Variants in ZNF28 observed in about 807,000 individuals in gnomAD.
ZNF28 encodes the protein zinc finger protein 28, also known as zinc finger protein KOX24.
ZNF28 carries 5 observed loss-of-function variants against 7.2 expected under a neutral mutation model. The ratio of observed to expected loss-of-function variants is 0.70; its 90% CI spans 0.36 to 1.46. ZNF28 has a LOEUF of 1.46. Among genes scored for constraint, ZNF28 ranks in the 40% most tolerant of loss-of-function variants. The pLI is 0.03. For missense variants in ZNF28, 879 were observed against 866.6 expected (o/e 1.01, Z -0.18); for synonymous variants, 288 against 292.4 (o/e 0.99, Z 0.15).
chr19:52,809,261 T>TGG (rs1202136935), intron 2 of ZNF28, among the ~76,000 whole-genome samples: 6 of 152,114 alleles, frequency 3.9e-5, no homozygotes, highest in Non-Finnish European at 8.8e-5. Context: ...AATGCGGACG[T>TGG]GCACAGAGGC....
chr19:52,810,286 A>C, intron 2 of ZNF28: 1 of 1,479,156 alleles, frequency 6.8e-7, no homozygotes, highest in Non-Finnish European at 9.4e-7. Flanking sequence ...TCCATTGAGG[A>C]GAAGATGGAG....
intron 1 of ZNF28, among the ~76,000 whole-genome samples, chr19:52,819,605 A>G (rs2063170255): frequency 9.5e-6 from 1 of 105,032 alleles, no homozygotes; most frequent in African/African-American, 4.0e-5. Context: ...TCAGAGCTGG[A>G]AACATTTTCA....
rs2062821612 is a variant in ZNF28 at position 52,798,341 on chromosome 19, A to C, written c.*1347T>G. On this transcript the variant is annotated 3_prime_UTR_variant, in exon 4 of 4. Transcript: ENST00000457749. Reference sequence around the variant, plus strand: ...AACAGTTTAATGTCAATTAATGCTTAAACTCAATGTTAAGTCAACTCAAAC... The same window carrying C: ...AACAGTTTAATGTCAATTAATGCTTCAACTCAATGTTAAGTCAACTCAAAC... 2 of 333,536 alleles carry C rather than the reference A, an allele frequency of 6.0e-6. No individual in the cohort carries two copies. The highest frequency in any genetic ancestry group is 4.3e-5 in the Admixed American group (1 of 23,340). 20.7% of individuals were successfully genotyped at this position (333,536 alleles called of 1,614,324 possible).
intron 2 of ZNF28, chr19:52,810,308 T>A (rs1200393416): frequency 2.6e-6 from 4 of 1,566,948 alleles, no homozygotes; most frequent in East Asian, 4.5e-5. Flanking sequence ...CTGATGCCCG[T>A]TCCATCAATG....
intron 3 of ZNF28, chr19:52,807,744 G>C: frequency 1.8e-6 from 1 of 557,600 alleles, no homozygotes; most frequent in Non-Finnish European, 3.0e-6. Context: ...CAAGGTGCTG[G>C]GATAACAGGC....
At chr19:52,810,344 A>C in intron 2 of ZNF28, 1 of 1,603,914 alleles carries the variant, frequency 6.2e-7, no homozygotes. Flanking sequence ...GCGGTGCAAC[A>C]GCAGAAGAGC....
chr19:52,803,090 AT>A (rs2147622967), intron 3 of ZNF28, among the ~76,000 whole-genome samples: 1 of 146,718 alleles, frequency 6.8e-6, no homozygotes, highest in South Asian at 2.2e-4. Flanking sequence ...ATGTATTTTT[AT>A]TTTTTTGAGA....
intron 2 of ZNF28, chr19:52,809,720 G>T: frequency 2.5e-6 from 1 of 399,926 alleles, no homozygotes; most frequent in Non-Finnish European, 4.4e-6. Context: ...GCAGCAAAAC[G>T]CTTTAACCCA....
rs71183842 is a variant in ZNF28 at position 52,820,108 on chromosome 19, CTT to C, written c.-74+1476_-74+1477del. ...TCCATCCTTGCAACTTATTTAACCT[CTT>C]TTTTTTTTTTTTTTTTTTGAGACGG... is the stretch of plus-strand genomic sequence containing the variant. On this transcript the variant is annotated intron_variant, in intron 1 of 3. Transcript: ENST00000457749. 1.4e-4 allele frequency among the ~76,000 whole-genome samples: 17 copies of C among 120,284 alleles called. 1 individual carries two copies. The highest frequency in any genetic ancestry group is 1.8e-4 in the Non-Finnish European group (11 of 60,140). 78.9% of individuals were successfully genotyped at this position (120,284 alleles called of 152,430 possible).
chr19:52,799,462 T>C lies in ZNF28; in HGVS notation c.*226A>G. ...TAAAGTTTCTCTGCAGTATGAATTC[T>C]ATGATGACGTGCAAGGGTTGTTTTT... On this transcript the variant is annotated 3_prime_UTR_variant, in exon 4 of 4. Coordinates refer to ENST00000457749, the MANE Select transcript of ZNF28 (RefSeq NM_006969.5). 4.6e-6 allele frequency: 4 copies of C among 864,824 alleles called. No homozygotes were observed. Among genetic ancestry groups the C allele is most frequent in the Non-Finnish European group, 7.4e-6 (4 of 538,706 alleles). 53.6% of individuals were successfully genotyped at this position (864,824 alleles called of 1,614,324 possible).
Position 52,819,534 on chromosome 19 carries a change from C to T in ZNF28, c.-73-1503G>A, listed in dbSNP as rs2063169226. Among the ~76,000 whole-genome samples, 2 of 75,498 alleles carry T rather than the reference C, an allele frequency of 2.6e-5. 1 individual carries two copies. The highest frequency in any genetic ancestry group is 9.8e-5 in the African/African-American group (2 of 20,480). 49.5% of individuals were successfully genotyped at this position (75,498 alleles called of 152,430 possible). On this transcript the variant is annotated intron_variant, in intron 1 of 3. Transcript: ENST00000457749. ...AATCATTTCAGTGGCCAGGGTCACT[C>T]GGGTTGAGCTTTTCTGGTCTAGCCC... is the stretch of plus-strand genomic sequence containing the variant.
In ZNF28 at chr19:52,813,412, C is replaced by G. The variant is rs148351994; in HGVS notation, c.15+4532G>C. 8.6e-3 allele frequency among the ~76,000 whole-genome samples: 1,272 copies of G among 148,066 alleles called. 66 individuals carry two copies. The highest frequency in any genetic ancestry group is 0.031 in the Middle Eastern group (9 of 290). ...TCGCCATGGACACGTCTCAACAGTG[C>G]AAGCTGCTCCCCGTGTTTCCCTGCC... On this transcript the variant is annotated intron_variant, in intron 2 of 3. Transcript: ENST00000457749.
Position 52,801,670 on chromosome 19 carries a change from A to G in ZNF28, c.175T>C (p.Phe59Leu). The G allele has an allele frequency of 6.2e-7, 1 of 1,611,622 alleles. No homozygotes were observed. Among genetic ancestry groups the G allele is most frequent in the Non-Finnish European group, 8.5e-7 (1 of 1,179,142 alleles). The change falls in exon 4 of 4, where the codon TTC (phenylalanine) becomes CTC (leucine). Residue 59 changes from phenylalanine (F) to leucine (L), a missense_variant. Coordinates refer to ENST00000457749, the MANE Select transcript of ZNF28 (RefSeq NM_006969.5). ...TCTGTATTGCCTTGCCCTGTTGAGA[A>G]GAATGTCTTCATCATGCATTTGGAA... The part of the protein sequence containing the change: ...ISSKCMMKTF[F>L]STGQGNTEAF...
chr19:52,812,101 AG>A lies in ZNF28; in HGVS notation c.16-3969del, dbSNP rs1482532494. Among the ~76,000 whole-genome samples, 25 of 90,308 alleles carry A rather than the reference AG, an allele frequency of 2.8e-4. 1 individual carries two copies. The highest frequency in any genetic ancestry group is 1.3e-3 in the African/African-American group (21 of 16,068). The allele number at this position is 90,308 out of a possible 152,430, so 59.2% of individuals were successfully genotyped here. On this transcript the variant is annotated intron_variant, in intron 2 of 3. Coordinates refer to ENST00000457749, the MANE Select transcript of ZNF28 (RefSeq NM_006969.5). ...CGGCCGCCCCTACTGGGAAGTGAGG[AG>A]CCCCTCTGCCTGGCCAGCCGCCCCG...
chr19:52,798,948 C>T lies in ZNF28; in HGVS notation c.*740G>A. On this transcript the variant is annotated 3_prime_UTR_variant, in exon 4 of 4. Transcript: ENST00000457749. ...TCATTGCACTTGTAAGGTTTCTCTC[C>T]AGTGTGAATTCTAGTATGGTGTGCC... The T allele has an allele frequency of 7.1e-7, 1 of 1,404,870 alleles. No homozygotes were observed. The allele number at this position is 1,404,870 out of a possible 1,614,324, so 87.0% of individuals were successfully genotyped here.
intron 2 of ZNF28, among the ~76,000 whole-genome samples, chr19:52,811,036 C>A (rs1003313570): frequency 1.3e-5 from 2 of 148,506 alleles, no homozygotes; most frequent in African/African-American, 4.9e-5. Flanking sequence ...ATTGCAGGCA[C>A]GCGCCGCCAC....
At chr19:52,812,445 C>T (rs2063063546) in intron 2 of ZNF28, among the ~76,000 whole-genome samples, 1 of 123,690 alleles carries the variant, frequency 8.1e-6, no homozygotes, top group African/African-American at 3.6e-5. Context: ...GCCTTGGGAT[C>T]CTGTTGATCT....
chr19:52,807,698 C>T (rs1215503370), intron 3 of ZNF28, among the ~76,000 whole-genome samples: 1 of 152,070 alleles, frequency 6.6e-6, no homozygotes, highest in Non-Finnish European at 1.5e-5. Context: ...TGGTTTTGAA[C>T]TCCTCACCCA....
chr19:52,810,421 G>A (rs2063004348), intron 2 of ZNF28: 43 of 1,603,666 alleles, frequency 2.7e-5, no homozygotes, highest in Non-Finnish European at 3.6e-5. Context: ...AAATTTAGTG[G>A]CCATCCCAAA....
Sources: allele counts gnomAD v4.1 joint callset (sites outside exome capture counted in the v4.1 genomes callset), GRCh38; gene constraint gnomAD v4.1.1; transcripts MANE v1.5; gene names NCBI Gene and HGNC (gene_info 2026-07-23, HGNC 2026-07-21).